The following EXT2 variants were observed in gnomAD, a reference collection of about 807,000 sequenced individuals.
The protein encoded by EXT2 is exostosin-2.
In EXT2, 53 loss-of-function variants were observed where a neutral mutation model predicts 81.6. The observed-to-expected ratio is 0.65, with a 90% CI of 0.52 to 0.82. The LOEUF is 0.82. Among genes scored for constraint, EXT2 ranks in the 40% least tolerant of loss-of-function variants. The pLI is 0.00. For synonymous variants in EXT2, 320 were observed against 340.0 expected (o/e 0.94, Z 0.65); for missense variants, 774 against 910.2 (o/e 0.85, Z 1.93).
intron 7 of EXT2, among the ~76,000 whole-genome samples, chr11:44,170,553 A>T (rs545383500): frequency 1.3e-5 from 2 of 152,198 alleles, no homozygotes; most frequent in Non-Finnish European, 2.9e-5. Flanking sequence ...AACAAAATTG[A>T]TAAAGCTCTA....
chr11:44,214,366 A>C (rs1160700341), intron 10 of EXT2, among the ~76,000 whole-genome samples: 1 of 152,052 alleles, frequency 6.6e-6, no homozygotes, highest in African/African-American at 2.4e-5. Context: ...CGCCCGCCTC[A>C]GCCTCCCAAA....
chr11:44,127,625 G>T (rs1392435287), intron 6 of EXT2, among the ~76,000 whole-genome samples: 1 of 152,192 alleles, frequency 6.6e-6, no homozygotes, highest in Non-Finnish European at 1.5e-5. Flanking sequence ...GGGGACTGTT[G>T]CTTTTCAGAA....
Position 44,234,034 on chromosome 11 carries a change from C to G in EXT2, c.1807-81C>G, listed in dbSNP as rs142790340. ...TTATGAGAGAAAGCTTGTCCCCATG[C>G]CTTGGCTATGCTGCCCCTTATTTAT... On this transcript the variant is annotated intron_variant, in intron 11 of 13. Transcript: ENST00000533608. 1.5e-3 allele frequency: 2,448 copies of G among 1,596,572 alleles called. 22 individuals carry two copies. The African/African-American group carries it at 0.027, about 17-fold the overall frequency.
chr11:44,108,149 A>G lies in EXT2; in HGVS notation c.437A>G (p.Asp146Gly). ...AISDSDYYTD[D>G]INRACLFVPS... is the part of the protein sequence containing the mutation. ...TCAGACAGTGACTACTACACTGATGACATCAACCGGGCCTGTCTGTTTGTT... is the reference window on the plus strand; with the variant it reads ...TCAGACAGTGACTACTACACTGATGGCATCAACCGGGCCTGTCTGTTTGTT... The change falls in exon 2 of 14, where the codon GAC (aspartate) becomes GGC (glycine). Residue 146 changes from aspartate to glycine, a missense_variant. Asp to Gly is a moderately conservative substitution (Grantham distance 94). Around this residue, in one of 2 missense-constraint regions of EXT2, gnomAD observed 626 missense variants for 670.5 expected, o/e 0.93. Transcript: ENST00000533608. The G allele has an allele frequency of 6.2e-7, 1 of 1,614,098 alleles. No individual in the cohort carries two copies. The highest frequency in any genetic ancestry group is 8.5e-7 in the Non-Finnish European group (1 of 1,180,018).
chr11:44,246,484 C>T lies in EXT2; in HGVS notation c.*2197C>T, dbSNP rs969347151. 7.9e-5 allele frequency among the ~76,000 whole-genome samples: 12 copies of T among 152,090 alleles called. No homozygotes were observed. The highest frequency in any genetic ancestry group is 2.7e-4 in the African/African-American group (11 of 41,396). On this transcript the variant is annotated 3_prime_UTR_variant, in exon 14 of 14. Coordinates refer to ENST00000533608, the MANE Select transcript of EXT2 (RefSeq NM_207122.2). ...CTAGAGAGCTGTGTGACTTTATCAT[C>T]GTCATAGGAGTCATTGGACTTTAAA...
At chr11:44,177,628 G>A (rs1434624470) in intron 8 of EXT2, among the ~76,000 whole-genome samples, 8 of 152,146 alleles carry the variant, frequency 5.3e-5, no homozygotes, top group African/African-American at 1.9e-4. Context: ...ATGTAGAGTG[G>A]AGTGTTTTCC....
chr11:44,102,237 A>G (rs1953994812), intron 1 of EXT2, among the ~76,000 whole-genome samples: 1 of 152,170 alleles, frequency 6.6e-6, no homozygotes, highest in South Asian at 2.1e-4. Flanking sequence ...GCTGTTGAAT[A>G]TAGGGTTCGG....
At chr11:44,232,217 C>G (rs1955907440) in intron 10 of EXT2, 136 bp from the exon 11 acceptor site, 2 of 1,125,378 alleles carry the variant, frequency 1.8e-6, no homozygotes, top group African/African-American at 1.5e-5. Flanking sequence ...TGGAACATCT[C>G]CAGAATCCCA....
chr11:44,174,512 A>G (rs1955128256), intron 8 of EXT2, among the ~76,000 whole-genome samples: 1 of 151,998 alleles, frequency 6.6e-6, no homozygotes, highest in Non-Finnish European at 1.5e-5. Context: ...ATAAAAGAAT[A>G]CTTTCTGATC....
chr11:44,243,024 G>T (rs1363183685), intron 13 of EXT2, among the ~76,000 whole-genome samples: 2 of 152,206 alleles, frequency 1.3e-5, no homozygotes, highest in African/African-American at 4.8e-5. Context: ...TTGTTGCTTT[G>T]TGGTGTTGGT....
chr11:44,109,544 C>T (rs1269334550), intron 3 of EXT2, among the ~76,000 whole-genome samples: 1 of 152,134 alleles, frequency 6.6e-6, no homozygotes, highest in Non-Finnish European at 1.5e-5. Flanking sequence ...CACATCCAGC[C>T]CCCAAAAGTG....
At chr11:44,164,233 C>T (rs1165582715) in intron 7 of EXT2, among the ~76,000 whole-genome samples, 1 of 152,082 alleles carries the variant, frequency 6.6e-6, no homozygotes, top group Non-Finnish European at 1.5e-5. Context: ...ACCAAAAATT[C>T]CCATATGTTC....
chr11:44,248,807 G>A lies in EXT2; in HGVS notation c.*4520G>A, dbSNP rs903241452. ...ACCTTGTGTCATTCTTTCAATTTCC[G>A]GCTCACCATTGCTGGCAACAGTGGG... On this transcript the variant is annotated 3_prime_UTR_variant, in exon 14 of 14. Coordinates refer to ENST00000533608, the MANE Select transcript of EXT2 (RefSeq NM_207122.2). Among the ~76,000 whole-genome samples, 5 of 152,014 alleles carry A rather than the reference G, an allele frequency of 3.3e-5. No homozygotes were observed. The highest frequency in any genetic ancestry group is 2.1e-4 in the South Asian group (1 of 4,828).
intron 8 of EXT2, among the ~76,000 whole-genome samples, chr11:44,186,153 T>C (rs1325412822): frequency 6.6e-6 from 1 of 152,252 alleles, no homozygotes; most frequent in South Asian, 2.1e-4. Flanking sequence ...TCTTTTGTAC[T>C]GTAAAACAGC....
intron 1 of EXT2, among the ~76,000 whole-genome samples, chr11:44,107,038 A>T (rs1320974836): frequency 6.6e-6 from 1 of 151,924 alleles, no homozygotes; most frequent in African/African-American, 2.4e-5. Flanking sequence ...TCCACTTTTG[A>T]TTTTTCTGCC....
intron 7 of EXT2, among the ~76,000 whole-genome samples, chr11:44,145,325 G>A (rs1055937619): frequency 2.5e-4 from 38 of 152,070 alleles, no homozygotes; most frequent in African/African-American, 8.7e-4. Flanking sequence ...ATCCATTGAA[G>A]TCTTTGCTTT....
At chr11:44,116,239 T>G (rs764070918) in intron 4 of EXT2, 6 of 152,256 alleles carry the variant, frequency 3.9e-5, no homozygotes, top group Non-Finnish European at 7.3e-5. Flanking sequence ...TTGCCTATTC[T>G]GGACATTTCC....
chr11:44,244,132 C>T lies in EXT2; in HGVS notation c.2019-17C>T, dbSNP rs756386991. The T allele has an allele frequency of 1.2e-6, 2 of 1,613,656 alleles. No individual in the cohort carries two copies. On this transcript the variant is annotated splice_polypyrimidine_tract_variant and intron_variant, in intron 13 of 13. Transcript: ENST00000533608. ...TGCTCAAACCCCTCCTCCCCACCTC[C>T]TCTCCAAATCCCACAGGTCAGAGTG...
rs1956127471 is a variant in EXT2 at position 44,250,143 on chromosome 11, A to C, written c.*5856A>C. ...TATAGCAATTAGAGTTGACTAAGAC[A>C]GTGTCCCTATCCTGTTCTTGAGCTC... On this transcript the variant is annotated 3_prime_UTR_variant, in exon 14 of 14. Transcript: ENST00000533608. 6.6e-6 allele frequency among the ~76,000 whole-genome samples: 1 copy of C among 152,222 alleles called. No homozygotes were observed. Among genetic ancestry groups the C allele is most frequent in the Non-Finnish European group, 1.5e-5 (1 of 68,038 alleles).
Sources: gnomAD v4.1 joint callset for allele counts (sites outside exome capture counted in the v4.1 genomes callset) on GRCh38, gnomAD v4.1.1 for gene constraint, gnomAD v4.1.1 regional missense constraint, MANE v1.5 for transcripts, NCBI Gene and HGNC (gene_info 2026-07-23, HGNC 2026-07-21) for gene names.